Variants in ARMH3 observed in about 807,000 individuals in gnomAD.
ARMH3 encodes the protein armadillo like helical domain containing 3.
In ARMH3, 60 loss-of-function variants were observed where a neutral mutation model predicts 99.1. The ratio of observed to expected loss-of-function variants is 0.61; its 90% CI spans 0.49 to 0.75. The LOEUF is 0.75. Ranked by LOEUF, ARMH3 falls within the 30% of genes least tolerant of loss-of-function variation. The probability of loss-of-function intolerance (pLI) is 0.00; values close to 1 mark genes in which losing one functional copy is unlikely to be tolerated. For synonymous variants in ARMH3, 285 were observed against 292.8 expected, an observed-to-expected ratio of 0.97 and a Z score of 0.27; for missense variants, 679 against 843.1, an observed-to-expected ratio of 0.81 and a Z score of 2.41.
At chr10:101,990,214 C>T (rs112571753) in intron 19 of ARMH3, among the ~76,000 whole-genome samples, 9 of 137,616 alleles carry the variant, frequency 6.5e-5, no homozygotes, top group South Asian at 2.3e-4. Flanking sequence ...ACAGAGTCTT[C>T]GCTCTGTCGC....
chr10:101,965,373 G>T (rs1311306670), intron 20 of ARMH3, among the ~76,000 whole-genome samples: 1 of 152,170 alleles, frequency 6.6e-6, no homozygotes, highest in Admixed American at 6.5e-5. Context: ...TAGGTAAAAG[G>T]AAAGGAGCCA....
At chr10:101,855,490 G>A (rs865829228) in intron 24 of ARMH3, among the ~76,000 whole-genome samples, 131 of 150,516 alleles carry the variant, frequency 8.7e-4, no homozygotes, top group African/African-American at 2.4e-3. Context: ...TGGGAGGATC[G>A]TTTGAGGTCA....
chr10:101,978,999 C>G (rs774363058), intron 19 of ARMH3, among the ~76,000 whole-genome samples: 14 of 151,910 alleles, frequency 9.2e-5, no homozygotes, highest in Non-Finnish European at 1.8e-4. Flanking sequence ...TTAAAAATAG[C>G]TGGGTGCAGT....
chr10:101,910,866 G>A (rs571510656), intron 23 of ARMH3, among the ~76,000 whole-genome samples: 3 of 149,156 alleles, frequency 2.0e-5, no homozygotes, highest in African/African-American at 7.4e-5. Context: ...TGGGCTGGGC[G>A]CGGTGACTCA....
chr10:102,009,876 T>C (rs926694434), intron 12 of ARMH3, 101 bp downstream of exon 12: 3 of 1,147,498 alleles, frequency 2.6e-6, no homozygotes, highest in Non-Finnish European at 3.8e-6. Context: ...AAAGTATGAT[T>C]CTGTAAAAGA....
intron 20 of ARMH3, among the ~76,000 whole-genome samples, chr10:101,974,296 C>T (rs960143156): frequency 2.0e-5 from 3 of 152,148 alleles, no homozygotes; most frequent in Admixed American, 1.3e-4. Context: ...GAGATGAATT[C>T]CATGGAAGGG....
rs571761543 is a variant in ARMH3 at position 101,951,231 on chromosome 10, T to C, written c.1705+5366A>G. Among the ~76,000 whole-genome samples the C allele has an allele frequency of 6.6e-5, 10 of 152,328 alleles. No individual in the cohort carries two copies. The South Asian group carries it at 1.2e-3, about 19-fold the overall frequency. On this transcript the variant is annotated intron_variant, in intron 22 of 25. Coordinates refer to ENST00000370033, the MANE Select transcript of ARMH3 (RefSeq NM_024541.3). ...TATCAGTTTTCCCCAAAATGATCTA[T>C]AGATTTGCCATAATCCCAATCAAAA...
In ARMH3 at chr10:101,991,916, T is replaced by C. The variant is rs946968385; in HGVS notation, c.1345+53A>G. The C allele has an allele frequency of 7.4e-6, 11 of 1,490,800 alleles. No individual in the cohort carries two copies. The Middle Eastern group carries it at 8.5e-4, about 116-fold the overall frequency. 92.3% of individuals were successfully genotyped at this position (1,490,800 alleles called of 1,614,324 possible). On this transcript the variant is annotated intron_variant, in intron 18 of 25. Transcript: ENST00000370033. ...CAGGTTCTACTCTTCATCTTCATCA[T>C]GAAAGCCTATCGCTGTCACAGAACA...
chr10:101,982,809 T>C (rs1846293548), intron 19 of ARMH3, among the ~76,000 whole-genome samples: 1 of 152,100 alleles, frequency 6.6e-6, no homozygotes, highest in South Asian at 2.1e-4. Flanking sequence ...GACCATCTAG[T>C]TGCAGGAAAA....
At chr10:101,871,458 T>C (rs2067129747) in intron 24 of ARMH3, among the ~76,000 whole-genome samples, 1 of 152,192 alleles carries the variant, frequency 6.6e-6, no homozygotes, top group Non-Finnish European at 1.5e-5. Flanking sequence ...AGACCATAAA[T>C]TTAGACGTAT....
intron 19 of ARMH3, among the ~76,000 whole-genome samples, chr10:101,984,610 A>G (rs1333607605): frequency 6.6e-6 from 1 of 151,246 alleles, no homozygotes; most frequent in African/African-American, 2.4e-5. Flanking sequence ...TACATCCCCA[A>G]CCCCTGCGGC....
chr10:102,027,216 T>C (rs947768761), intron 5 of ARMH3, among the ~76,000 whole-genome samples: 4 of 149,164 alleles, frequency 2.7e-5, no homozygotes, highest in Non-Finnish European at 5.9e-5. Context: ...GACAGGGAGG[T>C]TGCAGTGAGC....
chr10:101,864,457 G>A (rs1327660555), intron 24 of ARMH3, among the ~76,000 whole-genome samples: 3 of 152,060 alleles, frequency 2.0e-5, no homozygotes, highest in Non-Finnish European at 1.5e-5. Flanking sequence ...TGTTTATTGC[G>A]GCATTATTCA....
intron 23 of ARMH3, among the ~76,000 whole-genome samples, chr10:101,928,128 G>A (rs557029525): frequency 6.6e-6 from 1 of 152,266 alleles, no homozygotes; most frequent in East Asian, 1.9e-4. Context: ...AAAAAGGAAT[G>A]TTTAATCATT....
chr10:102,046,057 T>C (rs868530323), intron 1 of ARMH3, among the ~76,000 whole-genome samples: 114 of 152,104 alleles, frequency 7.5e-4, no homozygotes, highest in Middle Eastern at 3.4e-3. Flanking sequence ...ATCGCACCAT[T>C]GCACTCCAGC....
intron 24 of ARMH3, among the ~76,000 whole-genome samples, chr10:101,888,698 G>A (rs1019671181): frequency 6.6e-6 from 1 of 152,222 alleles, no homozygotes; most frequent in African/African-American, 2.4e-5. Context: ...GGATGAAAAG[G>A]AAAGGGAACC....
At chr10:101,989,905 A>C (rs1846696811) in intron 19 of ARMH3, among the ~76,000 whole-genome samples, 1 of 152,194 alleles carries the variant, frequency 6.6e-6, no homozygotes, top group Non-Finnish European at 1.5e-5. Flanking sequence ...AATTCGTCCT[A>C]CCTAATGCGA....
intron 5 of ARMH3, among the ~76,000 whole-genome samples, chr10:102,027,151 T>C (rs1321696678): frequency 6.6e-6 from 1 of 152,000 alleles, no homozygotes; most frequent in Non-Finnish European, 1.5e-5. Flanking sequence ...TGGTGGCGCA[T>C]GCCTGTAATC....
intron 20 of ARMH3, among the ~76,000 whole-genome samples, chr10:101,963,809 T>C (rs1209696738): frequency 6.6e-6 from 1 of 151,748 alleles, no homozygotes; most frequent in African/African-American, 2.4e-5. Flanking sequence ...AATAAGGTGG[T>C]AGTAGGCTAC....
Sources: gnomAD v4.1 joint callset for allele counts (sites outside exome capture counted in the v4.1 genomes callset) on GRCh38, gnomAD v4.1.1 for gene constraint, MANE v1.5 for transcripts, NCBI Gene and HGNC (gene_info 2026-07-23, HGNC 2026-07-21) for gene names.